The following PFKFB3 variants were observed in gnomAD, a reference collection of about 807,000 sequenced individuals.
PFKFB3 encodes 6-phosphofructo-2-kinase/fructose-2,6-biphosphatase 3.
PFKFB3 carries 33 observed loss-of-function variants against 68.0 expected under a neutral mutation model. The observed-to-expected ratio is 0.49, with a 90% CI of 0.37 to 0.65. The LOEUF (loss-of-function observed/expected upper bound fraction) is 0.65. Ranked by LOEUF, PFKFB3 falls within the 30% of genes least tolerant of loss-of-function variation. PFKFB3 has a pLI of 0.00. For missense variants in PFKFB3, 586 were observed against 712.2 expected, an observed-to-expected ratio of 0.82 and a Z score of 2.02; for synonymous variants, 315 against 288.2, an observed-to-expected ratio of 1.09 and a Z score of -0.94.
At chr10:6,169,477 T>C (rs1177916463) in intron 1 of PFKFB3, among the ~76,000 whole-genome samples, 1 of 150,820 alleles carries the variant, frequency 6.6e-6, no homozygotes, top group Non-Finnish European at 1.5e-5. Flanking sequence ...CACCCATAAA[T>C]GCAGAGTAGA....
chr10:6,195,710 G>C (rs1157466527), intron 1 of PFKFB3, among the ~76,000 whole-genome samples: 2 of 152,226 alleles, frequency 1.3e-5, no homozygotes, highest in Non-Finnish European at 1.5e-5. Context: ...GAATTCTCTT[G>C]GGGGAGAAGG....
chr10:6,283,540 A>AGATGGAGGCCGGAACACTCAGCCCACGCT, the PFKFB3 span, among the ~76,000 whole-genome samples: 1 of 151,152 alleles, frequency 6.6e-6, no homozygotes, highest in East Asian at 1.9e-4. Context: ...CATGGGAGAA[A>AGATGGAGGCCGGAACACTCAGCCCACGCT]GATGGAGGCT....
chr10:6,292,642 A>T, the PFKFB3 span, among the ~76,000 whole-genome samples: 4 of 152,128 alleles, frequency 2.6e-5, no homozygotes, highest in Non-Finnish European at 5.9e-5. Context: ...GAATTAAAAA[A>T]AAAAAAAACT....
the PFKFB3 span, among the ~76,000 whole-genome samples, chr10:6,288,978 GT>G: frequency 6.6e-6 from 1 of 151,122 alleles, no homozygotes; most frequent in East Asian, 1.9e-4. Context: ...TTTTTCATGT[GT>G]TTTTTGGCTG....
At position 6,146,297 on chromosome 10, in the gene PFKFB3, C is replaced by G. The variant is rs1313393718; in HGVS notation, c.16+1284C>G. The G allele has an allele frequency of 2.0e-6, 3 of 1,500,846 alleles. No homozygotes were observed. In the African/African-American group the frequency reaches 4.2e-5, roughly 21 times the overall value. 93.0% of individuals were successfully genotyped at this position (1,500,846 alleles called of 1,614,324 possible). On this transcript the variant is annotated intron_variant, in intron 1 of 14. Transcript: ENST00000379789. The stretch of plus-strand genomic sequence containing the variant: ...GGCTGTACCGGACTTGTTTTTCAAA[C>G]AGAGGGTGCCTAGGTATCAGCGTGG...
intron 1 of PFKFB3, among the ~76,000 whole-genome samples, chr10:6,203,729 G>A (rs1326327977): frequency 6.6e-6 from 1 of 152,098 alleles, no homozygotes; most frequent in Admixed American, 6.5e-5. Flanking sequence ...TTCACCGTCC[G>A]GATCTCCTCT....
At chr10:6,295,317 G>A in the PFKFB3 span, among the ~76,000 whole-genome samples, 75,851 of 151,818 alleles carry the variant, frequency 0.5, 21,212 homozygotes, top group Non-Finnish European at 0.65. Context: ...TGCCTCCAGG[G>A]TTCAAGCCAT....
At chr10:6,201,386 C>T (rs1449726583), upstream of PFKFB3, among the ~76,000 whole-genome samples, 1 of 148,414 alleles carries the variant, frequency 6.7e-6, no homozygotes, top group Admixed American at 6.7e-5. This position sits in a 1 kb window ranked among gnomAD's most constrained non-coding sequence, Gnocchi z 4.1. Flanking sequence ...GCAAAGCTGT[C>T]GCGGGAACAG....
the PFKFB3 span, among the ~76,000 whole-genome samples, chr10:6,261,216 C>T: frequency 6.6e-6 from 1 of 152,210 alleles, no homozygotes; most frequent in Non-Finnish European, 1.5e-5. Context: ...AAGTCTTGCT[C>T]ATTTTTTAAA....
chr10:6,176,441 T>C (rs956200967), intron 1 of PFKFB3, among the ~76,000 whole-genome samples: 1 of 152,208 alleles, frequency 6.6e-6, no homozygotes, highest in Non-Finnish European at 1.5e-5. Context: ...GGGGTCTCCC[T>C]CTGTTGCCCA....
the PFKFB3 span, among the ~76,000 whole-genome samples, chr10:6,271,491 G>A: frequency 6.6e-6 from 1 of 152,188 alleles, no homozygotes; most frequent in African/African-American, 2.4e-5. Flanking sequence ...CTGGGAAGCC[G>A]AATTCTTTGA....
Position 6,213,604 on chromosome 10 carries a change from T to A in PFKFB3, c.77-19T>A. 6.2e-7 allele frequency: 1 copy of A among 1,608,870 alleles called. No homozygotes were observed. Among genetic ancestry groups the A allele is most frequent in the Non-Finnish European group, 8.5e-7 (1 of 1,176,990 alleles). On this transcript the variant is annotated intron_variant, in intron 1 of 14. Transcript: ENST00000379775. Reference sequence around the variant, plus strand: ...CGGTCACTTGGTTGATGACACACCCTTCTTGCTTGTTTTTCCAGCCTGTGG... The same window carrying A: ...CGGTCACTTGGTTGATGACACACCCATCTTGCTTGTTTTTCCAGCCTGTGG...
At chr10:6,255,036 C>G, downstream of PFKFB3, among the ~76,000 whole-genome samples, 1 of 151,494 alleles carries the variant, frequency 6.6e-6, no homozygotes, top group East Asian at 1.9e-4. Context: ...AGGCTGGTCT[C>G]GAACTCCTGA....
rs187113128 is a variant in PFKFB3 at position 6,169,324 on chromosome 10, T to G, written c.16+24311T>G. On this transcript the variant is annotated intron_variant, in intron 1 of 14. Transcript: ENST00000379789. Reference sequence around the variant, plus strand: ...GGAGAGCACATTTTCTGTTCTTTTCTTAGTCTTACGCAGGGAGGATTGTGA... The same window carrying G: ...GGAGAGCACATTTTCTGTTCTTTTCGTAGTCTTACGCAGGGAGGATTGTGA... Among the ~76,000 whole-genome samples the G allele has an allele frequency of 1.0e-3, 156 of 152,284 alleles. 5 individuals are homozygous for G. The highest frequency in any genetic ancestry group is 9.0e-3 in the Admixed American group (138 of 15,296).
chr10:6,267,171 C>T, the PFKFB3 span, among the ~76,000 whole-genome samples: 1 of 152,218 alleles, frequency 6.6e-6, no homozygotes, highest in Admixed American at 6.5e-5. Flanking sequence ...TAAGTGGGTT[C>T]ACCACAATCA....
intron 14 of PFKFB3, among the ~76,000 whole-genome samples, chr10:6,247,608 A>G: frequency 6.6e-6 from 1 of 152,190 alleles, no homozygotes; most frequent in East Asian, 1.9e-4. Context: ...TCCACTGTGA[A>G]GGTTTATCCT....
chr10:6,216,243 G>C, intron 4 of PFKFB3, 52 bp downstream of exon 4: 4 of 1,516,350 alleles, frequency 2.6e-6, no homozygotes, highest in Non-Finnish European at 3.7e-6. Flanking sequence ...CCATGAGGGT[G>C]TCCTCACCGG....
At chr10:6,311,874 T>C in the PFKFB3 span, among the ~76,000 whole-genome samples, 1 of 152,200 alleles carries the variant, frequency 6.6e-6, no homozygotes, top group Admixed American at 6.5e-5. Context: ...CTGGGAACAC[T>C]GCATTCCTCT....
chr10:6,258,185 A>AT (rs1194488311), downstream of PFKFB3, among the ~76,000 whole-genome samples: 31 of 150,608 alleles, frequency 2.1e-4, 1 homozygote, highest in East Asian at 7.8e-4. Flanking sequence ...TTTTGATCTT[A>AT]TTTTTTTTTT....
Sources: gnomAD v4.1 joint callset for allele counts (sites outside exome capture counted in the v4.1 genomes callset) on GRCh38, gnomAD v4.1.1 for gene constraint, Gnocchi (gnomAD v3.1) non-coding constraint, MANE v1.5 for transcripts, NCBI Gene and HGNC (gene_info 2026-07-23, HGNC 2026-07-21) for gene names.